The following SCAMP1 variants were observed in gnomAD, a reference collection of about 807,000 sequenced individuals.
SCAMP1 encodes secretory carrier membrane protein 1.
Under a neutral mutation model 41.8 loss-of-function variants are expected in SCAMP1, and 15 were observed. The ratio of observed to expected loss-of-function variants is 0.36; its 90% CI spans 0.24 to 0.55. The LOEUF is 0.55. SCAMP1 is among the 20% of genes least tolerant of loss of function. SCAMP1 has a pLI of 0.86. For missense variants in SCAMP1, 341 were observed against 412.6 expected, an observed-to-expected ratio of 0.83 and a Z score of 1.50; for synonymous variants, 135 against 136.8, an observed-to-expected ratio of 0.99 and a Z score of 0.09.
At chr5:78,438,992 C>A (rs944985485) in intron 6 of SCAMP1, among the ~76,000 whole-genome samples, 85 of 152,184 alleles carry the variant, frequency 5.6e-4, no homozygotes, top group African/African-American at 2.0e-3. Flanking sequence ...CTCTTTTGAT[C>A]TTTGTTGATC....
chr5:78,419,109 A>G (rs1752278735), intron 5 of SCAMP1, among the ~76,000 whole-genome samples: 2 of 152,262 alleles, frequency 1.3e-5, no homozygotes, highest in African/African-American at 4.8e-5. Context: ...GGCTGAGAAA[A>G]ACTTGTATGT....
At chr5:78,360,904 G>A in intron 1 of SCAMP1, 176 bp downstream of exon 1, 1 of 624,224 alleles carries the variant, frequency 1.6e-6, no homozygotes, top group Non-Finnish European at 2.8e-6. Flanking sequence ...CACTCCTTTG[G>A]GTTTTGGGGC....
At chr5:78,438,975 T>C (rs1406279867) in intron 6 of SCAMP1, among the ~76,000 whole-genome samples, 1 of 152,224 alleles carries the variant, frequency 6.6e-6, no homozygotes, top group African/African-American at 2.4e-5. Context: ...GTAACAGCCT[T>C]CTTTCTCTCT....
intron 1 of SCAMP1, among the ~76,000 whole-genome samples, chr5:78,374,381 C>T (rs994030685): frequency 2.6e-5 from 4 of 151,976 alleles, no homozygotes; most frequent in African/African-American, 9.7e-5. Flanking sequence ...TCTAAGTTTA[C>T]TCAGGAGTGA....
intron 1 of SCAMP1, 40 bp from the exon 2 acceptor site, chr5:78,388,797 G>T (rs1276539738): frequency 9.4e-7 from 1 of 1,059,146 alleles, no homozygotes; most frequent in Non-Finnish European, 1.4e-6. Context: ...TTTTTTAAAG[G>T]ATAAGTAATC....
At chr5:78,453,655 C>G (rs1470179545) in intron 7 of SCAMP1, among the ~76,000 whole-genome samples, 5 of 151,112 alleles carry the variant, frequency 3.3e-5, no homozygotes, top group African/African-American at 1.2e-4. Flanking sequence ...CTTAGGATAG[C>G]CTTGGCGATG....
At chr5:78,391,403 G>C (rs1363505412) in intron 2 of SCAMP1, among the ~76,000 whole-genome samples, 12 of 150,968 alleles carry the variant, frequency 7.9e-5, no homozygotes, top group Admixed American at 6.6e-5. Flanking sequence ...CTGGCCTGGC[G>C]GGGGGCTGAC....
In SCAMP1 at chr5:78,460,742, C is replaced by CTCCTTCCTTCCT. The variant is rs1188221227; in HGVS notation, c.852+1433_852+1444dup. Among the ~76,000 whole-genome samples, 3 of 85,018 alleles carry CTCCTTCCTTCCT rather than the reference C, an allele frequency of 3.5e-5. 1 individual carries two copies. The highest frequency in any genetic ancestry group is 1.0e-4 in the African/African-American group (3 of 28,712). The allele number at this position is 85,018 out of a possible 152,430, so 55.8% of individuals were successfully genotyped here. ...CTCTTTCTTTCTTTTGGTTTCTTTT[C>CTCCTTCCTTCCT]TCCTTCCTTCCTTCCTTCCTTCCTT... On this transcript the variant is annotated intron_variant, in intron 8 of 8. Coordinates refer to ENST00000621999, the MANE Select transcript of SCAMP1 (RefSeq NM_004866.6).
chr5:78,367,486 G>A (rs548045190), intron 1 of SCAMP1, among the ~76,000 whole-genome samples: 38 of 152,288 alleles, frequency 2.5e-4, no homozygotes, highest in African/African-American at 7.2e-4. Flanking sequence ...TGTCTTTCAT[G>A]TAGCCTCTCT....
At chr5:78,363,140 C>A (rs1750702553) in intron 1 of SCAMP1, among the ~76,000 whole-genome samples, 1 of 151,850 alleles carries the variant, frequency 6.6e-6, no homozygotes, top group South Asian at 2.1e-4. Flanking sequence ...GATCCACCTG[C>A]CTCAGTCTCC....
intron 6 of SCAMP1, among the ~76,000 whole-genome samples, chr5:78,446,575 A>T (rs1237670386): frequency 1.3e-5 from 2 of 152,168 alleles, no homozygotes; most frequent in Non-Finnish European, 2.9e-5. Context: ...ATACTTTAGA[A>T]GTGTCTGTTT....
intron 8 of SCAMP1, among the ~76,000 whole-genome samples, chr5:78,469,922 AAAAAAAAAAAC>A (rs1753841101): frequency 5.2e-5 from 1 of 19,136 alleles, no homozygotes; most frequent in African/African-American, 3.0e-4. Context: ...ACAAAAAAAA[AAAAAAAAAAAC>A]AACAACACAG....
chr5:78,429,653 C>T (rs1222077408), intron 6 of SCAMP1, among the ~76,000 whole-genome samples: 1 of 151,980 alleles, frequency 6.6e-6, no homozygotes, highest in Non-Finnish European at 1.5e-5. Flanking sequence ...GCAAGAATGC[C>T]ACAGACTCAT....
At chr5:78,423,020 A>ATG (rs1752379208) in intron 6 of SCAMP1, among the ~76,000 whole-genome samples, 1 of 7,380 alleles carries the variant, frequency 1.4e-4, no homozygotes, top group African/African-American at 6.6e-4. Flanking sequence ...GCGCGCGCAC[A>ATG]CACACACACA....
chr5:78,459,220 A>C, intron 7 of SCAMP1, 25 bp from the exon 8 acceptor site: 2 of 1,073,710 alleles, frequency 1.9e-6, no homozygotes, highest in East Asian at 2.4e-5. Flanking sequence ...ACTTTTGCCT[A>C]ATTACACTTT....
chr5:78,385,276 G>A (rs1456578489), intron 1 of SCAMP1, among the ~76,000 whole-genome samples: 1 of 152,008 alleles, frequency 6.6e-6, no homozygotes, highest in African/African-American at 2.4e-5. Context: ...TTGTATTTCT[G>A]TGGTATTGGT....
At chr5:78,423,787 A>C (rs1031236425) in intron 6 of SCAMP1, among the ~76,000 whole-genome samples, 5 of 152,056 alleles carry the variant, frequency 3.3e-5, no homozygotes, top group African/African-American at 1.2e-4. Context: ...AGTCTTTTAG[A>C]GTATATACAA....
chr5:78,449,831 A>T, intron 6 of SCAMP1, 102 bp from the exon 7 acceptor site: 2 of 661,282 alleles, frequency 3.0e-6, no homozygotes, highest in Non-Finnish European at 5.0e-6. Flanking sequence ...TTTGAATGTC[A>T]TTCTGCAGGT....
At chr5:78,440,036 C>T (rs1301045976) in intron 6 of SCAMP1, among the ~76,000 whole-genome samples, 1 of 152,108 alleles carries the variant, frequency 6.6e-6, no homozygotes, top group Non-Finnish European at 1.5e-5. Flanking sequence ...AGTTCTCGTG[C>T]CGTGGTTTTC....
Sources: gnomAD v4.1 joint callset for allele counts (sites outside exome capture counted in the v4.1 genomes callset) on GRCh38, gnomAD v4.1.1 for gene constraint, MANE v1.5 for transcripts, NCBI Gene and HGNC (gene_info 2026-07-23, HGNC 2026-07-21) for gene names.